Variants in MAN2B2 observed in about 807,000 individuals in gnomAD.
MAN2B2 encodes the protein mannosidase alpha class 2B member 2, also known as epididymis-specific alpha-mannosidase.
Under a neutral mutation model 117.1 loss-of-function variants are expected in MAN2B2, and 106 were observed. That is an observed-to-expected ratio of 0.90 (90% confidence interval 0.77 to 1.06). The LOEUF (loss-of-function observed/expected upper bound fraction) is 1.06, where lower values mean the gene tolerates loss of function less well. MAN2B2 is among the 50% of genes least tolerant of loss of function. The pLI, the probability that MAN2B2 is intolerant of heterozygous loss-of-function variation, is 0.00. For synonymous variants in MAN2B2, 544 were observed against 595.1 expected, an observed-to-expected ratio of 0.91 and a Z score of 1.25; for missense variants, 1,326 against 1,381.4, an observed-to-expected ratio of 0.96 and a Z score of 0.64.
chr4:6,583,165 G>A (rs956873362), intron 3 of MAN2B2, among the ~76,000 whole-genome samples: 7 of 152,112 alleles, frequency 4.6e-5, no homozygotes, highest in Non-Finnish European at 8.8e-5. Context: ...AGGGAATGGT[G>A]GAGCCAGGGC....
At chr4:6,609,386 C>G (rs1727677685) in intron 12 of MAN2B2, 88 bp downstream of exon 12, 1 of 1,339,346 alleles carries the variant, frequency 7.5e-7, no homozygotes, top group Non-Finnish European at 1.0e-6. Context: ...TGTCTTTGCT[C>G]TGAACCCCAG....
chr4:6,620,889 T>G (rs1158476441), intron 18 of MAN2B2: 1 of 341,156 alleles, frequency 2.9e-6, no homozygotes, highest in Non-Finnish European at 5.4e-6. Context: ...TTGAGGCCAC[T>G]AGGGCCAGGA....
At chr4:6,616,079 C>CA (rs1711853440) in intron 16 of MAN2B2, among the ~76,000 whole-genome samples, 1 of 152,198 alleles carries the variant, frequency 6.6e-6, no homozygotes, top group South Asian at 2.1e-4. Context: ...GCTGCGATTA[C>CA]AGGTGTGAGC....
chr4:6,615,162 G>C (rs1408012037), intron 16 of MAN2B2, among the ~76,000 whole-genome samples: 1 of 152,240 alleles, frequency 6.6e-6, no homozygotes, highest in Non-Finnish European at 1.5e-5. Flanking sequence ...TAGGGGATCC[G>C]AGGCAGGCGG....
rs199688075 is a variant in MAN2B2 at position 6,609,208 on chromosome 4, C to T, written c.1916C>T (p.Pro639Leu). ...GPISDNYLFT[P>L]GKAAVPAWEA... ...ATTTCCGATAACTACCTGTTCACAC[C>T]GGGCAAGGCCGCGGTGCCTGCGTGG... Residue 639 changes from proline to leucine, a missense_variant, in exon 12 of 19, where the codon CCG (proline) becomes CTG (leucine). Physicochemically the swap from Pro to Leu is moderately conservative, Grantham distance 98 (BLOSUM62 -3). Coordinates refer to ENST00000285599, the MANE Select transcript of MAN2B2 (RefSeq NM_015274.3). 8.6e-5 allele frequency: 139 copies of T among 1,614,198 alleles called. No homozygotes were observed. In the East Asian group the frequency reaches 2.5e-3, roughly 30 times the overall value.
At chr4:6,620,281 G>A in intron 18 of MAN2B2, 1 of 461,522 alleles carries the variant, frequency 2.2e-6, no homozygotes, top group South Asian at 2.2e-5. Flanking sequence ...TTGTACGTGT[G>A]CACACGCAGA....
intron 3 of MAN2B2, among the ~76,000 whole-genome samples, chr4:6,579,289 TCACCAC>T (rs1560634982): frequency 1.3e-4 from 2 of 14,856 alleles, no homozygotes; most frequent in Admixed American, 9.1e-4. Flanking sequence ...ACCATCACCA[TCACCAC>T]CACCATCACC....
intron 17 of MAN2B2, chr4:6,618,928 TGGCGG>T (rs1553803964): frequency 4.6e-5 from 7 of 152,120 alleles, no homozygotes; most frequent in Non-Finnish European, 8.8e-5. Context: ...GTCTAGGCCA[TGGCGG>T]GTACCAGTGC....
intron 4 of MAN2B2, among the ~76,000 whole-genome samples, 185 bp from the exon 5 acceptor site, chr4:6,588,860 A>G (rs1199612356): frequency 6.6e-6 from 1 of 151,864 alleles, no homozygotes. Context: ...GTGAATGAGC[A>G]CTCCTTCCGG....
In MAN2B2 at chr4:6,606,001, C is replaced by T. The variant is rs114965311; in HGVS notation, c.1814+672C>T. 4.1e-3 allele frequency among the ~76,000 whole-genome samples: 617 copies of T among 152,336 alleles called. 2 individuals are homozygous for T. The highest frequency in any genetic ancestry group is 6.5e-3 in the Non-Finnish European group (441 of 68,038). On this transcript the variant is annotated intron_variant, in intron 11 of 18. Transcript: ENST00000285599. ...GCAGCTGACCTCCCAAGAAAGACCTCGTGGCTGGTTTATCCTTCCTAGGCC... is the reference window on the plus strand; with the variant it reads ...GCAGCTGACCTCCCAAGAAAGACCTTGTGGCTGGTTTATCCTTCCTAGGCC...
At chr4:6,580,097 G>C (rs1431849279) in intron 3 of MAN2B2, among the ~76,000 whole-genome samples, 1 of 152,194 alleles carries the variant, frequency 6.6e-6, no homozygotes, top group Non-Finnish European at 1.5e-5. Flanking sequence ...GATGTTTTTG[G>C]CACTCTCCCT....
chr4:6,584,495 AC>A (rs1726558420), intron 3 of MAN2B2, among the ~76,000 whole-genome samples: 1 of 152,248 alleles, frequency 6.6e-6, no homozygotes, highest in Non-Finnish European at 1.5e-5. Flanking sequence ...ATCAGGAAGT[AC>A]TAGACTGTGA....
At chr4:6,608,859 C>T (rs1001106024) in intron 11 of MAN2B2, among the ~76,000 whole-genome samples, 7 of 152,186 alleles carry the variant, frequency 4.6e-5, no homozygotes, top group African/African-American at 1.4e-4. Context: ...CCTCTGCTGA[C>T]GGCTCACGGT....
At chr4:6,585,863 G>A (rs977810213) in intron 3 of MAN2B2, among the ~76,000 whole-genome samples, 2 of 152,106 alleles carry the variant, frequency 1.3e-5, no homozygotes, top group South Asian at 2.1e-4. Context: ...CCAGAGCAGC[G>A]ACCCAGGAGA....
Position 6,579,210 on chromosome 4 carries a change from TCACCACCAC to T in MAN2B2, c.391+724_391+732del, listed in dbSNP as rs1298854364. On this transcript the variant is annotated intron_variant, in intron 3 of 18. Transcript: ENST00000285599. ...ATCACCAGCACCACCACCATCACCA[TCACCACCAC>T]CACCACCACCATCACCACCACCACC... Among the ~76,000 whole-genome samples the T allele has an allele frequency of 1.9e-4, 4 of 21,538 alleles. 1 individual carries two copies. Among genetic ancestry groups the T allele is most frequent in the Admixed American group, 1.2e-3 (2 of 1,736 alleles). 14.1% of individuals were successfully genotyped at this position (21,538 alleles called of 152,430 possible).
chr4:6,591,560 G>T (rs1466090396), intron 5 of MAN2B2, among the ~76,000 whole-genome samples: 2 of 152,216 alleles, frequency 1.3e-5, no homozygotes, highest in Non-Finnish European at 2.9e-5. Context: ...TGGAGGACCA[G>T]GTGGGGTGCA....
chr4:6,607,284 G>T (rs968219515), intron 11 of MAN2B2, among the ~76,000 whole-genome samples: 3 of 152,164 alleles, frequency 2.0e-5, no homozygotes, highest in African/African-American at 7.2e-5. Context: ...GCTCACTGCA[G>T]CCTCAACCTC....
rs751015939 is a variant in MAN2B2, at chr4:6,621,244, A to G, written c.2989A>G (p.Lys997Glu). 6.2e-7 allele frequency: 1 copy of G among 1,614,062 alleles called. No individual in the cohort carries two copies. Among genetic ancestry groups the G allele is most frequent in the Non-Finnish European group, 8.5e-7 (1 of 1,179,978 alleles). ...AGGCCCCATCATCACCGTCCACCCA[A>G]AGGAAATCCGGACGTTCTTTATTCA... ...PGGPIITVHP[K>E]EIRTFFIHFQ... The change falls in exon 19 of 19, where the codon AAG becomes GAG. Residue 997 changes from lysine to glutamate, a missense_variant. By Grantham distance (56) the Lys-to-Glu change is moderately conservative. Transcript: ENST00000285599.
intron 16 of MAN2B2, among the ~76,000 whole-genome samples, chr4:6,615,040 G>C (rs1216445137): frequency 6.6e-6 from 1 of 152,232 alleles, no homozygotes; most frequent in Non-Finnish European, 1.5e-5. Flanking sequence ...GAAAGGCAGG[G>C]TCAGACTGTG....
Sources: gnomAD v4.1 joint callset for allele counts (sites outside exome capture counted in the v4.1 genomes callset) on GRCh38, gnomAD v4.1.1 for gene constraint, MANE v1.5 for transcripts, NCBI Gene and HGNC (gene_info 2026-07-23, HGNC 2026-07-21) for gene names.